Variants in NRG1 observed in about 807,000 individuals in gnomAD.
The protein encoded by NRG1 is pro-neuregulin-1, membrane-bound isoform.
In NRG1, 18 loss-of-function variants were observed where a neutral mutation model predicts 63.8. That is an observed-to-expected ratio of 0.28 (90% CI 0.19 to 0.42). The LOEUF (loss-of-function observed/expected upper bound fraction) is 0.42. Among genes scored for constraint, NRG1 ranks in the 10% least tolerant of loss-of-function variants. The pLI is 1.00. For synonymous variants in NRG1, 302 were observed against 301.3 expected (o/e 1.00, Z -0.02); for missense variants, 762 against 814.7 (o/e 0.94, Z 0.79).
At chr8:32,349,316 T>C (rs1372494868) in intron 1 of NRG1, among the ~76,000 whole-genome samples, 1 of 152,246 alleles carries the variant, frequency 6.6e-6, no homozygotes, top group Non-Finnish European at 1.5e-5. Flanking sequence ...CATAGTCCTC[T>C]ATCTTTAAGG....
chr8:32,114,185 C>A (rs1832403769), intron 1 of NRG1, among the ~76,000 whole-genome samples: 1 of 152,188 alleles, frequency 6.6e-6, no homozygotes, highest in Non-Finnish European at 1.5e-5. Context: ...GAGAAGCCAG[C>A]CAGGTTCAAA....
intron 1 of NRG1, among the ~76,000 whole-genome samples, chr8:32,061,397 T>C (rs1823834416): frequency 6.6e-6 from 1 of 152,068 alleles, no homozygotes; most frequent in South Asian, 2.1e-4. Context: ...TGTTTCTCAA[T>C]GTATCATTTT....
intron 4 of NRG1, 120 bp downstream of exon 4, chr8:32,614,684 G>C (rs951652882): frequency 6.8e-6 from 6 of 880,650 alleles, no homozygotes; most frequent in East Asian, 2.6e-5. Flanking sequence ...CTTGTTTTCT[G>C]CTTCAATATT....
At chr8:32,314,949 TTCTG>T (rs1413538869) in intron 1 of NRG1, among the ~76,000 whole-genome samples, 1 of 152,244 alleles carries the variant, frequency 6.6e-6, no homozygotes, top group East Asian at 1.9e-4. Flanking sequence ...ACCAGGCTAA[TTCTG>T]ACTGTTCTGG....
intron 1 of NRG1, among the ~76,000 whole-genome samples, chr8:32,264,201 A>T (rs1271974693): frequency 6.6e-6 from 1 of 152,214 alleles, no homozygotes; most frequent in Non-Finnish European, 1.5e-5. Flanking sequence ...AATTTGTCTA[A>T]TAAATTGTAT....
intron 1 of NRG1, among the ~76,000 whole-genome samples, chr8:32,459,541 G>A (rs1032007981): frequency 6.6e-6 from 1 of 151,802 alleles, no homozygotes; most frequent in African/African-American, 2.4e-5. Flanking sequence ...GGAGGCTGAG[G>A]TGGGAGGATT....
chr8:32,663,101 T>C (rs1194826637), intron 5 of NRG1, among the ~76,000 whole-genome samples: 1 of 152,196 alleles, frequency 6.6e-6, no homozygotes, highest in Non-Finnish European at 1.5e-5. Flanking sequence ...AGAATAGGCT[T>C]CCAACAAACC....
Position 32,044,913 on chromosome 8 carries a change from C to CAAAAAAAAAAAAAAA in NRG1, c.37+405486_37+405500dup. ...CCTTAAGAACTTACATAAAGAAAAG[C>CAAAAAAAAAAAAAAA]AAAAAAAAAAAAAAAAAACACACAC... On this transcript the variant is annotated intron_variant, in intron 1 of 10. Coordinates refer to the NRG1 transcript ENST00000519301. 2.2e-3 allele frequency among the ~76,000 whole-genome samples: 125 copies of CAAAAAAAAAAAAAAA among 57,098 alleles called. 1 individual carries two copies. Among genetic ancestry groups the CAAAAAAAAAAAAAAA allele is most frequent in the South Asian group, 2.7e-3 (3 of 1,108 alleles). 37.5% of individuals were successfully genotyped at this position (57,098 alleles called of 152,430 possible).
intron 1 of NRG1, among the ~76,000 whole-genome samples, chr8:32,065,692 T>A (rs552491949): frequency 3.2e-3 from 480 of 152,262 alleles, no homozygotes; most frequent in Non-Finnish European, 5.8e-3. Context: ...ATCCTTTGGG[T>A]ATATACCCAG....
At chr8:32,402,810 GA>G (rs1563414457) in intron 1 of NRG1, among the ~76,000 whole-genome samples, 1 of 152,068 alleles carries the variant, frequency 6.6e-6, no homozygotes, top group Admixed American at 6.6e-5. Flanking sequence ...CTGTGAAGAA[GA>G]AAAAAGATAT....
intron 1 of NRG1, among the ~76,000 whole-genome samples, chr8:32,390,602 TAA>T (rs66980062): frequency 1.8e-3 from 233 of 130,638 alleles, no homozygotes; most frequent in Middle Eastern, 4.2e-3. Flanking sequence ...GACCCTGTCT[TAA>T]AAAAAAAAAA....
At chr8:32,460,567 A>G (rs1822179797) in intron 1 of NRG1, among the ~76,000 whole-genome samples, 1 of 152,236 alleles carries the variant, frequency 6.6e-6, no homozygotes, top group South Asian at 2.1e-4. Context: ...TTTTGGTTTC[A>G]GGACCTGATT....
intron 1 of NRG1, among the ~76,000 whole-genome samples, chr8:32,216,416 A>G (rs1369205638): frequency 6.7e-6 from 1 of 148,680 alleles, no homozygotes; most frequent in Non-Finnish European, 1.5e-5. Flanking sequence ...TATATTATAT[A>G]TAATATAGGT....
chr8:32,634,099 T>TAAAAAAAAAAAA lies in NRG1; in HGVS notation c.502+17222_502+17233dup, dbSNP rs57478389. 1.0e-3 allele frequency among the ~76,000 whole-genome samples: 90 copies of TAAAAAAAAAAAA among 86,738 alleles called. 6 individuals are homozygous for TAAAAAAAAAAAA. The highest frequency in any genetic ancestry group is 9.1e-3 in the East Asian group (15 of 1,650). 56.9% of individuals were successfully genotyped at this position (86,738 alleles called of 152,430 possible). A position where few individuals can be genotyped will look rare whatever the true frequency, so the allele number is the denominator to read the frequency against. ...TTTGAGGCTGAGCAAGATCTTGTCT[T>TAAAAAAAAAAAA]AAAAAAAAAAAAAAAAAAAGGTTGC... On this transcript the variant is annotated intron_variant, in intron 5 of 11. Transcript: ENST00000356819.
chr8:31,996,962 T>C (rs776552984), intron 1 of NRG1, among the ~76,000 whole-genome samples: 6 of 151,958 alleles, frequency 3.9e-5, no homozygotes, highest in South Asian at 4.1e-4. Context: ...TCTCTTTAAA[T>C]TCTATACAAT....
intron 1 of NRG1, among the ~76,000 whole-genome samples, chr8:31,935,328 G>C (rs1585887683): frequency 6.6e-6 from 1 of 152,020 alleles, no homozygotes; most frequent in Admixed American, 6.6e-5. Flanking sequence ...TCACTATTTT[G>C]CCCAGGCTGG....
At chr8:32,187,647 G>A (rs947420593) in intron 1 of NRG1, among the ~76,000 whole-genome samples, 5 of 151,924 alleles carry the variant, frequency 3.3e-5, no homozygotes, top group Admixed American at 6.6e-5. Flanking sequence ...AGTCACTGCC[G>A]AATAAGTCAC....
intron 1 of NRG1, among the ~76,000 whole-genome samples, chr8:31,837,315 A>C (rs1342576036): frequency 6.6e-6 from 1 of 151,998 alleles, no homozygotes; most frequent in Non-Finnish European, 1.5e-5. Flanking sequence ...AAAAATTGAG[A>C]GACCTTCCTC....
intron 1 of NRG1, among the ~76,000 whole-genome samples, chr8:31,742,422 T>C (rs1815371777): frequency 7.0e-6 from 1 of 143,398 alleles, no homozygotes; most frequent in South Asian, 2.2e-4. Context: ...AGGAATGATA[T>C]GGAACCAGCA....
Sources: allele counts gnomAD v4.1 joint callset (sites outside exome capture counted in the v4.1 genomes callset), GRCh38; gene constraint gnomAD v4.1.1; transcripts MANE v1.5; gene names NCBI Gene and HGNC (gene_info 2026-07-23, HGNC 2026-07-21).